The following NTMT2 variants were observed in gnomAD, a reference collection of about 807,000 sequenced individuals.
The protein encoded by NTMT2 is N-terminal Xaa-Pro-Lys N-methyltransferase 2, also known as X-Pro-Lys N-terminal protein methyltransferase 1B.
In NTMT2, 21 loss-of-function variants were observed where a neutral mutation model predicts 23.4. The observed-to-expected ratio is 0.90, with a 90% confidence interval of 0.64 to 1.29. The LOEUF is 1.29. NTMT2 is among the 50% of genes most tolerant of loss of function. The pLI, the probability that NTMT2 is intolerant of heterozygous loss-of-function variation, is 0.00. For missense variants in NTMT2, 336 were observed against 352.0 expected, an observed-to-expected ratio of 0.95 and a Z score of 0.36; for synonymous variants, 131 against 127.7, an observed-to-expected ratio of 1.03 and a Z score of -0.17.
At chr1:170,161,357 G>T (rs1440049754) in intron 2 of NTMT2, among the ~76,000 whole-genome samples, 1 of 151,922 alleles carries the variant, frequency 6.6e-6, no homozygotes, top group African/African-American at 2.4e-5. Flanking sequence ...AACAATGAAG[G>T]TAGAATATTT....
At chr1:170,148,421 C>T (rs1305685274) in intron 1 of NTMT2, among the ~76,000 whole-genome samples, 1 of 151,926 alleles carries the variant, frequency 6.6e-6, no homozygotes, top group African/African-American at 2.4e-5. Context: ...TCTCTAATAC[C>T]TGTGGGGTTC....
chr1:170,167,616 T>C lies in NTMT2; in HGVS notation c.711T>C (p.Ser237=). ...GTATCCTTGATCTCTCTGACAGCAG[T>C]GTGACTCGGGACATGGACATCCTCC... The part of the protein sequence containing the change: ...EGCILDLSDS[S]VTRDMDILRS... The change falls in exon 4 of 4, where the codon AGT becomes AGC. Residue 237 remains serine (S), a synonymous_variant. Transcript: ENST00000439373. 1 of 1,551,652 alleles carries C rather than the reference T, an allele frequency of 6.4e-7. No homozygotes were observed. The highest frequency in any genetic ancestry group is 8.7e-7 in the Non-Finnish European group (1 of 1,146,976).
chr1:170,158,963 T>C (rs1673215833), intron 1 of NTMT2, among the ~76,000 whole-genome samples: 1 of 152,098 alleles, frequency 6.6e-6, no homozygotes, highest in Non-Finnish European at 1.5e-5. Flanking sequence ...ATTTCCTGAA[T>C]TATTTTTGTT....
chr1:170,160,453 T>A, intron 1 of NTMT2, 65 bp from the exon 2 acceptor site: 1 of 1,287,250 alleles, frequency 7.8e-7, no homozygotes, highest in Non-Finnish European at 1.0e-6. Flanking sequence ...GGAAATGCAA[T>A]GCATAAAGCT....
At chr1:170,151,132 T>G (rs1387761212) in intron 1 of NTMT2, among the ~76,000 whole-genome samples, 2 of 152,146 alleles carry the variant, frequency 1.3e-5, no homozygotes, top group African/African-American at 4.8e-5. Flanking sequence ...TGCATTTGAA[T>G]AGGCATGTGC....
Position 170,146,069 on chromosome 1 carries a change from T to G in NTMT2, c.-39T>G. The G allele has an allele frequency of 6.6e-7, 1 of 1,520,324 alleles. No individual in the cohort carries two copies. The highest frequency in any genetic ancestry group is 1.7e-4 in the Middle Eastern group (1 of 5,858). The allele number at this position is 1,520,324 out of a possible 1,614,324, so 94.2% of individuals were successfully genotyped here. Reference sequence around the variant, plus strand: ...AATTCAAAGAAACAGCAAGGCAAGCTTCCTTTCTCTGTAGGAATCATTATT... The same window carrying G: ...AATTCAAAGAAACAGCAAGGCAAGCGTCCTTTCTCTGTAGGAATCATTATT... On this transcript the variant is annotated 5_prime_UTR_variant, in exon 1 of 4. Transcript: ENST00000439373.
At chr1:170,146,980 A>G (rs912642731) in intron 1 of NTMT2, among the ~76,000 whole-genome samples, 1 of 152,232 alleles carries the variant, frequency 6.6e-6, no homozygotes, top group Non-Finnish European at 1.5e-5. Flanking sequence ...ATAACTTACC[A>G]TTAAAGAGTA....
At chr1:170,159,350 G>C (rs1027748133) in intron 1 of NTMT2, among the ~76,000 whole-genome samples, 42 of 149,824 alleles carry the variant, frequency 2.8e-4, no homozygotes, top group African/African-American at 4.4e-4. Context: ...TGTGCTGTCT[G>C]CTGCTTTTAG....
intron 2 of NTMT2, among the ~76,000 whole-genome samples, chr1:170,161,441 A>G (rs1282919116): frequency 6.6e-6 from 1 of 152,148 alleles, no homozygotes; most frequent in African/African-American, 2.4e-5. Context: ...CATTGGGTCA[A>G]CCCCTATTAC....
chr1:170,146,258 C>A lies in NTMT2; in HGVS notation c.151C>A (p.Leu51Met). ...TCTCTACCTGCTGGAAAAAATTCCC[C>A]TGGGTAAGTGAGTCAGAGCTACTAG... ...SYLYLLEKIP[L>M]VKLYALTSQV... The change falls in exon 1 of 4, where the codon CTG becomes ATG. Residue 51 changes from leucine to methionine, a missense_variant. Transcript: ENST00000439373. 6.5e-7 allele frequency: 1 copy of A among 1,549,496 alleles called. No individual in the cohort carries two copies. Among genetic ancestry groups the A allele is most frequent in the Non-Finnish European group, 8.7e-7 (1 of 1,146,394 alleles).
Position 170,166,510 on chromosome 1 carries a change from G to T in NTMT2, c.339G>T (p.Gly113=), listed in dbSNP as rs564747277. ...AAGGTGCCTTTCTGCAGGGGCCTGG[G>T]AGAGCTGGAACAGACTGCGCCTTGG... ...KFLRKFVGGP[G]RAGTDCALDC... is the part of the protein sequence containing the mutation. Residue 113 remains glycine (G), a synonymous_variant, in exon 3 of 4, where the codon GGG becomes GGT. Transcript: ENST00000439373. 6.4e-7 allele frequency: 1 copy of T among 1,552,300 alleles called. No homozygotes were observed. Among genetic ancestry groups the T allele is most frequent in the East Asian group, 2.4e-5 (1 of 40,918 alleles).
intron 1 of NTMT2, among the ~76,000 whole-genome samples, chr1:170,156,729 CTT>C (rs1028395644): frequency 1.4e-5 from 2 of 144,754 alleles, no homozygotes; most frequent in African/African-American, 2.5e-5. Flanking sequence ...CCTCATATAT[CTT>C]TTTTTTTTTT....
intron 2 of NTMT2, among the ~76,000 whole-genome samples, chr1:170,165,730 G>C (rs1475873467): frequency 6.6e-6 from 1 of 151,982 alleles, no homozygotes; most frequent in Non-Finnish European, 1.5e-5. Context: ...TTGCTTTTCT[G>C]TAGTGTAATA....
chr1:170,149,785 A>G (rs1376942727), intron 1 of NTMT2, among the ~76,000 whole-genome samples: 1 of 152,190 alleles, frequency 6.6e-6, no homozygotes, highest in Non-Finnish European at 1.5e-5. Flanking sequence ...AGTAAATATT[A>G]GTTTCTTTAT....
chr1:170,166,052 G>A lies in NTMT2; in HGVS notation c.331-450G>A, dbSNP rs1673371734. On this transcript the variant is annotated intron_variant, in intron 2 of 3. Coordinates refer to ENST00000439373, the MANE Select transcript of NTMT2 (RefSeq NM_001136107.2). ...AATCATCAAATTGTACACAAGAAATGGTACATTTCATTTCATAAAATTTAC... is the reference window on the plus strand; with the variant it reads ...AATCATCAAATTGTACACAAGAAATAGTACATTTCATTTCATAAAATTTAC... Among the ~76,000 whole-genome samples the A allele has an allele frequency of 2.7e-5, 4 of 150,414 alleles. No individual in the cohort carries two copies. The South Asian group carries it at 8.4e-4, about 31-fold the overall frequency.
At chr1:170,160,004 A>G (rs1324384973) in intron 1 of NTMT2, among the ~76,000 whole-genome samples, 1 of 152,244 alleles carries the variant, frequency 6.6e-6, no homozygotes, top group African/African-American at 2.4e-5. Context: ...ACATTTCTGT[A>G]ATATTGATAT....
intron 1 of NTMT2, among the ~76,000 whole-genome samples, chr1:170,155,028 GC>G (rs141764206): frequency 0.024 from 3,693 of 151,866 alleles, 137 homozygotes; most frequent in African/African-American, 0.084. Context: ...CCTTGCTCCT[GC>G]TCTGCCATGT....
At chr1:170,166,138 T>G in intron 2 of NTMT2, among the ~76,000 whole-genome samples, 1 of 102,092 alleles carries the variant, frequency 9.8e-6, no homozygotes, top group Non-Finnish European at 1.9e-5. Flanking sequence ...TTTTTTTTTT[T>G]TCTTTTTTTT....
At chr1:170,159,409 ATTTATGCTCTGGTTT>A (rs1673223795) in intron 1 of NTMT2, among the ~76,000 whole-genome samples, 1 of 63,758 alleles carries the variant, frequency 1.6e-5, no homozygotes, top group African/African-American at 5.4e-5. Context: ...CAGAGTTTTG[ATTTATGCTCTGGTTT>A]TTTTTTTTTT....
Sources: gnomAD v4.1 joint callset for allele counts (sites outside exome capture counted in the v4.1 genomes callset) on GRCh38, gnomAD v4.1.1 for gene constraint, MANE v1.5 for transcripts, NCBI Gene and HGNC (gene_info 2026-07-23, HGNC 2026-07-21) for gene names.